Variants in BAG6 observed in about 807,000 individuals in gnomAD.
The protein encoded by BAG6 is BAG cochaperone 6.
Under a neutral mutation model 121.0 loss-of-function variants are expected in BAG6, and 22 were observed. That is an observed-to-expected ratio of 0.18 (90% CI 0.13 to 0.26). BAG6 has a LOEUF of 0.26. BAG6 is among the 10% of genes least tolerant of loss of function. BAG6 has a pLI of 1.00. For missense variants in BAG6, 1,233 were observed against 1,537.7 expected (o/e 0.80, Z 3.31); for synonymous variants, 583 against 584.6 (o/e 1.00, Z 0.04).
At position 31,644,701 on chromosome 6, in the gene BAG6, A is replaced by C. The variant is rs1787012685; in HGVS notation, c.1370-99T>G. 1.5e-6 allele frequency: 2 copies of C among 1,361,874 alleles called. No individual in the cohort carries two copies. Among genetic ancestry groups the C allele is most frequent in the Non-Finnish European group, 2.1e-6 (2 of 964,322 alleles). 84.4% of individuals were successfully genotyped at this position (1,361,874 alleles called of 1,614,324 possible). A position where few individuals can be genotyped will look rare whatever the true frequency, so the allele number is the denominator to read the frequency against. On this transcript the variant is annotated intron_variant, in intron 10 of 25. Transcript: ENST00000676615. This position sits in a 1 kb window ranked among gnomAD's most constrained non-coding sequence, Gnocchi z 4.9. ...GCATACTTCAGGCCCATAATCCCCC[A>C]ATCAGAAAGCCTGCCTTTCCCTCCA...
Position 31,642,189 on chromosome 6 carries a change from C to A in BAG6, c.2258G>T (p.Ser753Ile). Reference sequence around the variant, plus strand: ...TTGTATGAAGGCAGCAATACTTTCACTGCTGCCAGCCCGAGCCCCCAGGGA... The same window carrying A: ...TTGTATGAAGGCAGCAATACTTTCAATGCTGCCAGCCCGAGCCCCCAGGGA... ...LGSLGARAGS[S>I]ESIAAFIQRL... is the part of the protein sequence containing the mutation. Residue 753 changes from serine to isoleucine, a missense_variant, in exon 16 of 26, where the codon AGT becomes ATT. Around this residue, in one of 7 missense-constraint regions of BAG6, gnomAD observed 288 missense variants for 483.1 expected, o/e 0.60. Transcript: ENST00000676615. 6.2e-7 allele frequency: 1 copy of A among 1,612,968 alleles called. No homozygotes were observed. Among genetic ancestry groups the A allele is most frequent in the Non-Finnish European group, 8.5e-7 (1 of 1,180,004 alleles).
chr6:31,643,811 T>C (rs1436256017), intron 14 of BAG6, 79 bp downstream of exon 14: 1 of 1,220,976 alleles, frequency 8.2e-7, no homozygotes, highest in African/African-American at 2.1e-5. Flanking sequence ...ACCAAGAAAA[T>C]ATGGAAAGAA....
chr6:31,643,285 C>A (rs9391731), intron 14 of BAG6, among the ~76,000 whole-genome samples, 170 bp from the exon 15 acceptor site: 7,286 of 151,738 alleles, frequency 0.048, 328 homozygotes, highest in East Asian at 0.21. Flanking sequence ...TAGCCAGGAG[C>A]TAGTACTGCT....
intron 1 of BAG6, 38 bp from the exon 2 acceptor site, chr6:31,651,814 C>T (rs776676359): frequency 6.6e-7 from 1 of 1,525,474 alleles, no homozygotes; most frequent in South Asian, 1.1e-5. Context: ...CGCTGTTGCC[C>T]AGACCAGAGT....
At chr6:31,645,305 C>T in intron 9 of BAG6, 102 bp downstream of exon 9, 1 of 1,606,024 alleles carries the variant, frequency 6.2e-7, no homozygotes. Flanking sequence ...CACCATGTTT[C>T]CAGTCTCCTC....
rs753085414 is a variant in BAG6 at position 31,644,512 on chromosome 6, C to A, written c.1447+13G>T. On this transcript the variant is annotated intron_variant, in intron 11 of 25. Transcript: ENST00000676615. The surrounding 1 kb of genome is among the most constrained non-coding windows in gnomAD (Gnocchi z 4.9). ...ACCCAGAGCTCAGCCTGCCCTGATGCCCTCACTCTTACCCAGGGTTTGGCC... is the reference window on the plus strand; with the variant it reads ...ACCCAGAGCTCAGCCTGCCCTGATGACCTCACTCTTACCCAGGGTTTGGCC... 8 of 1,604,986 alleles carry A rather than the reference C, an allele frequency of 5.0e-6. No homozygotes were observed. Among genetic ancestry groups the A allele is most frequent in the African/African-American group, 1.3e-5 (1 of 74,832 alleles).
chr6:31,641,687 T>C lies in BAG6; in HGVS notation c.2505+89A>G, dbSNP rs766001057. On this transcript the variant is annotated intron_variant, in intron 17 of 25. Transcript: ENST00000676615. The surrounding 1 kb of genome is among the most constrained non-coding windows in gnomAD (Gnocchi z 5.7). ...AAGTCCAGGGCTTGTGTGGGGGCAA[T>C]TGGAGCTTTACCTGGCAGAGAAGCA... 238 of 1,610,736 alleles carry C rather than the reference T, an allele frequency of 1.5e-4. No individual in the cohort carries two copies. Among genetic ancestry groups the C allele is most frequent in the East Asian group, 2.2e-4 (10 of 44,872 alleles).
rs748033535 is a variant in BAG6 at position 31,649,181 on chromosome 6, T to C, written c.423+18A>G. ...AAAGCTACCCACAAAAGCCCTCCCC[T>C]GTGGAACATAAGCTTACAGGAAGAT... is the stretch of plus-strand genomic sequence containing the variant. On this transcript the variant is annotated intron_variant, in intron 4 of 25. Transcript: ENST00000676615. The C allele has an allele frequency of 2.5e-6, 4 of 1,612,650 alleles. No homozygotes were observed. In the African/African-American group the frequency reaches 5.3e-5, roughly 22 times the overall value.
Position 31,649,589 on chromosome 6 carries a change from A to G in BAG6, c.147T>C (p.Ser49=). The G allele has an allele frequency of 6.2e-7, 1 of 1,614,192 alleles. No homozygotes were observed. Among genetic ancestry groups the G allele is most frequent in the African/African-American group, 1.3e-5 (1 of 75,030 alleles). ...VKEFKEHIAA[S]VSIPSEKQRL... ...GTTGTTTTTCAGATGGGATGCTGAC[A>G]GAGGCAGCAATGTGCTCCTTAAACT... Residue 49 remains serine, a synonymous_variant, in exon 3 of 26, where the codon TCT becomes TCC. Transcript: ENST00000676615.
chr6:31,649,769 T>G, intron 2 of BAG6, 142 bp from the exon 3 acceptor site: 2 of 720,300 alleles, frequency 2.8e-6, no homozygotes, highest in African/African-American at 3.5e-5. Flanking sequence ...ATCATTACTG[T>G]GCAAACCCTT....
chr6:31,648,701 T>A lies in BAG6; in HGVS notation c.528A>T (p.Ile176=), dbSNP rs1157009878. Residue 176 remains isoleucine, a synonymous_variant, in exon 6 of 26, where the codon ATA becomes ATT. Transcript: ENST00000676615. ...LVMAQHMIRD[I]QTLLSRMECR... is the part of the protein sequence containing the mutation. ...CCTCCATCCGGGATAGTAAGGTCTG[T>A]ATATCCCTGATCATGTGCTGAGCCA... is the stretch of plus-strand genomic sequence containing the variant. The A allele has an allele frequency of 6.2e-6, 10 of 1,613,936 alleles. No homozygotes were observed. The highest frequency in any genetic ancestry group is 8.5e-6 in the Non-Finnish European group (10 of 1,180,014).
At chr6:31,647,212 A>G (rs1397356114) in intron 7 of BAG6, among the ~76,000 whole-genome samples, 2 of 152,118 alleles carry the variant, frequency 1.3e-5, no homozygotes, top group African/African-American at 4.8e-5. Flanking sequence ...CAAAGCTTCT[A>G]TTCTTTACTC....
At position 31,645,503 on chromosome 6, in the gene BAG6, A is replaced by G; in HGVS notation, c.1020T>C (p.Asn340=). 1 of 1,613,146 alleles carries G rather than the reference A, an allele frequency of 6.2e-7. No individual in the cohort carries two copies. Among genetic ancestry groups the G allele is most frequent in the Non-Finnish European group, 8.5e-7 (1 of 1,180,036 alleles). The change falls in exon 9 of 26, where the codon AAT becomes AAC. Residue 340 remains asparagine, a synonymous_variant. Coordinates refer to ENST00000676615, the MANE Select transcript of BAG6 (RefSeq NM_001387994.1). The stretch of plus-strand genomic sequence containing the variant: ...GGTGTCGTGGGGGCGTGCAGGCCAG[A>G]TTGCAGCGCAGGTCAGACAGTGCAA... ...TFVALSDLRC[N]LACTPPRHLH...
In BAG6 at chr6:31,641,947, TG is replaced by T. The variant is rs764135181; in HGVS notation, c.2336-3del. ...GAGAAAGCAAGGCCCCAAAGAATCC[TG>T]GGGGACAAGGGCAGATGTTAGCAAT... is the stretch of plus-strand genomic sequence containing the variant. On this transcript the variant is annotated splice_region_variant and splice_polypyrimidine_tract_variant and intron_variant, in intron 16 of 25. Coordinates refer to ENST00000676615, the MANE Select transcript of BAG6 (RefSeq NM_001387994.1). This position sits in a 1 kb window ranked among gnomAD's most constrained non-coding sequence, Gnocchi z 5.7. 6.8e-6 allele frequency: 11 copies of T among 1,612,824 alleles called. No individual in the cohort carries two copies. Among genetic ancestry groups the T allele is most frequent in the Middle Eastern group, 3.3e-4 (2 of 6,060 alleles).
intron 2 of BAG6, 46 bp downstream of exon 2, chr6:31,651,610 C>G (rs1375229688): frequency 2.5e-5 from 38 of 1,548,010 alleles, no homozygotes; most frequent in Non-Finnish European, 3.3e-5. Context: ...GGGGCCTAAA[C>G]GAGGAAAAGC....
rs1787099647 is a variant in BAG6, at chr6:31,644,759, C to T, written c.1370-157G>A. On this transcript the variant is annotated intron_variant, in intron 10 of 25. Coordinates refer to ENST00000676615, the MANE Select transcript of BAG6 (RefSeq NM_001387994.1). This position sits in a 1 kb window ranked among gnomAD's most constrained non-coding sequence, Gnocchi z 4.9. ...AGGGAGAGGTACTCCCTTCACCACA[C>T]AAACACACCTCCAAAGACAAACCAA... 1 of 1,249,484 alleles carries T rather than the reference C, an allele frequency of 8.0e-7. No homozygotes were observed. Among genetic ancestry groups the T allele is most frequent in the East Asian group, 2.3e-5 (1 of 43,124 alleles). 77.4% of individuals were successfully genotyped at this position (1,249,484 alleles called of 1,614,324 possible).
intron 1 of BAG6, 25 bp from the exon 2 acceptor site, chr6:31,651,801 G>A (rs1255947063): frequency 1.9e-6 from 3 of 1,561,568 alleles, no homozygotes; most frequent in Admixed American, 1.7e-5. Flanking sequence ...AGGAAGGAAG[G>A]CCCGCTGTTG....
Position 31,651,736 on chromosome 6 carries a change from C to A in BAG6, c.28G>T (p.Ala10Ser). Residue 10 changes from alanine (A) to serine (S), a missense_variant, in exon 2 of 26, where the codon GCT becomes TCT. Transcript: ENST00000676615. MEPNDSTST[A>S]VEEPDSLEVL... The stretch of plus-strand genomic sequence containing the variant: ...TCCAAGCTGTCAGGCTCCTCCACAG[C>A]GGTACTGGTACTATCATTAGGCTCC... The A allele has an allele frequency of 1.1e-5, 17 of 1,613,018 alleles. No homozygotes were observed. Among genetic ancestry groups the A allele is most frequent in the East Asian group, 2.2e-5 (1 of 44,874 alleles).
At chr6:31,639,378 C>G in intron 25 of BAG6, 122 bp downstream of exon 25, 8 of 1,504,798 alleles carry the variant, frequency 5.3e-6, no homozygotes, top group Non-Finnish European at 7.2e-6. Context: ...TTCCCAGATG[C>G]CAAAGGGGAA....
Sources: allele counts gnomAD v4.1 joint callset (sites outside exome capture counted in the v4.1 genomes callset), GRCh38; gene constraint gnomAD v4.1.1; regional missense constraint gnomAD v4.1.1; non-coding constraint Gnocchi (gnomAD v3.1); transcripts MANE v1.5; gene names NCBI Gene and HGNC (gene_info 2026-07-23, HGNC 2026-07-21).